PSAP: variants seen among roughly 807,000 people sequenced by gnomAD.
PSAP encodes the protein prosaposin, also known as precursor of saposins.
A neutral mutation model predicts 66.0 loss-of-function variants in PSAP; 25 were observed. The observed-to-expected ratio is 0.38, with a 90% CI of 0.28 to 0.53. The LOEUF (loss-of-function observed/expected upper bound fraction) is 0.53, where lower values mean the gene tolerates loss of function less well. Among genes scored for constraint, PSAP ranks in the 20% least tolerant of loss-of-function variants. PSAP has a pLI of 0.83. For missense variants in PSAP, 649 were observed against 668.8 expected (o/e 0.97, Z 0.33); for synonymous variants, 273 against 258.9 (o/e 1.05, Z -0.52).
intron 13 of PSAP, 101 bp from the exon 14 acceptor site, chr10:71,817,577 T>G: frequency 1.7e-6 from 2 of 1,146,250 alleles, no homozygotes; most frequent in Non-Finnish European, 2.6e-6. Context: ...CCTGTTCTCT[T>G]GTCCTAGGTC....
chr10:71,839,956 A>C (rs1178248943), intron 1 of PSAP, among the ~76,000 whole-genome samples: 4 of 152,234 alleles, frequency 2.6e-5, no homozygotes, highest in Non-Finnish European at 4.4e-5. Context: ...CCTCGCTTAC[A>C]GAAAGGTCTC....
chr10:71,845,529 C>A (rs115936978), intron 1 of PSAP, among the ~76,000 whole-genome samples: 3 of 152,166 alleles, frequency 2.0e-5, no homozygotes, highest in Non-Finnish European at 4.4e-5. Flanking sequence ...TGTACCTCTG[C>A]AAGCTTCTAA....
intron 6 of PSAP, among the ~76,000 whole-genome samples, chr10:71,827,475 C>T (rs1842418557): frequency 6.6e-6 from 1 of 151,498 alleles, no homozygotes; most frequent in African/African-American, 2.4e-5. Flanking sequence ...GCCTGTAATC[C>T]TAGCACTTTG....
intron 13 of PSAP, among the ~76,000 whole-genome samples, chr10:71,818,013 C>T (rs1402443713): frequency 2.6e-5 from 4 of 152,222 alleles, no homozygotes; most frequent in African/African-American, 9.6e-5. Context: ...ATGACACAAC[C>T]GCCACTGACA....
chr10:71,841,015 A>T (rs1842723994), intron 1 of PSAP, among the ~76,000 whole-genome samples: 1 of 152,266 alleles, frequency 6.6e-6, no homozygotes, highest in African/African-American at 2.4e-5. Context: ...TGATCAAAGA[A>T]GAACTTAGAT....
rs1169424419 is a variant in PSAP at position 71,831,902 on chromosome 10, T to G, written c.193A>C (p.Ile65Leu). 2 of 1,613,962 alleles carry G rather than the reference T, an allele frequency of 1.2e-6. No individual in the cohort carries two copies. Among genetic ancestry groups the G allele is most frequent in the Non-Finnish European group, 1.7e-6 (2 of 1,180,002 alleles). The change falls in exon 3 of 14, where the codon ATA becomes CTA. Residue 65 changes from isoleucine (I) to leucine (L), a missense_variant. By Grantham distance (5) the Ile-to-Leu change is conservative (BLOSUM62 2). Transcript: ENST00000394936. ...KPTVKSLPCDICKDVVTAAGD... is the reference protein window; with the variant it reads ...KPTVKSLPCDLCKDVVTAAGD... ...GCTGCGGTGACAACGTCTTTGCATA[T>G]GTCGCAGGGAAGGGATTTCTAAGAG...
intron 1 of PSAP, among the ~76,000 whole-genome samples, chr10:71,838,207 T>A (rs1257541868): frequency 6.6e-6 from 1 of 151,624 alleles, no homozygotes; most frequent in East Asian, 1.9e-4. Flanking sequence ...TAACACAGAG[T>A]CCAAGAGAAC....
chr10:71,835,840 CAA>C (rs1564823311), intron 1 of PSAP, among the ~76,000 whole-genome samples: 1 of 38,000 alleles, frequency 2.6e-5, no homozygotes, highest in African/African-American at 5.2e-5. Flanking sequence ...AAAAAAAAAA[CAA>C]AACACAATCA....
chr10:71,829,935 T>G (rs1842477956), intron 4 of PSAP, among the ~76,000 whole-genome samples: 1 of 151,898 alleles, frequency 6.6e-6, no homozygotes, highest in Non-Finnish European at 1.5e-5. Flanking sequence ...AAGGCAGAGG[T>G]GCTGTCAGTC....
chr10:71,828,888 G>A lies in PSAP; in HGVS notation c.565C>T (p.Pro189Ser), dbSNP rs188854022. ...LYPQDGPRSK[P>S]QPKDNGDVCQ... ...GCCCGTTGTCTTACCTTTGGCTGGG[G>A]CTTGCTGCGGGGGCCGTCCTGAGGG... Residue 189 changes from proline (P) to serine (S), a missense_variant, in exon 5 of 14, where the codon CCC becomes TCC. Pro to Ser is a moderately conservative substitution (Grantham distance 74, BLOSUM62 -1). Transcript: ENST00000394936. The A allele has an allele frequency of 6.6e-5, 107 of 1,614,040 alleles. No homozygotes were observed. The East Asian group carries it at 2.0e-3, about 30-fold the overall frequency.
At chr10:71,825,631 A>G in intron 7 of PSAP, 1 of 684,114 alleles carries the variant, frequency 1.5e-6, no homozygotes, top group South Asian at 1.5e-5. Flanking sequence ...TCCTGGGATC[A>G]AGATGCTTCA....
intron 1 of PSAP, among the ~76,000 whole-genome samples, chr10:71,850,173 A>G (rs966908121): frequency 2.6e-5 from 4 of 152,162 alleles, no homozygotes; most frequent in African/African-American, 9.7e-5. Flanking sequence ...CCTTTCCCCT[A>G]TGTTTTCCTT....
At chr10:71,851,058 G>C (rs1379425475) in intron 1 of PSAP, 124 bp downstream of exon 1, 10 of 1,174,388 alleles carry the variant, frequency 8.5e-6, no homozygotes, top group Admixed American at 2.0e-5. Flanking sequence ...CGCCTGCGCA[G>C]TGCGCGCGCC....
At chr10:71,841,456 A>G (rs1842731810) in intron 1 of PSAP, among the ~76,000 whole-genome samples, 1 of 152,224 alleles carries the variant, frequency 6.6e-6, no homozygotes, top group Non-Finnish European at 1.5e-5. Context: ...TTCACTTGAA[A>G]TCTAAAATGT....
intron 1 of PSAP, among the ~76,000 whole-genome samples, chr10:71,837,445 T>A (rs1241995502): frequency 6.6e-6 from 1 of 152,164 alleles, no homozygotes; most frequent in African/African-American, 2.4e-5. Flanking sequence ...CCCAGAAACT[T>A]TATTACACAC....
At position 71,835,949 on chromosome 10, in the gene PSAP, G is replaced by A. The variant is rs144986021; in HGVS notation, c.41-1444C>T. Among the ~76,000 whole-genome samples the A allele has an allele frequency of 1.1e-3, 165 of 152,050 alleles. 1 individual carries two copies. Among genetic ancestry groups the A allele is most frequent in the African/African-American group, 3.2e-3 (131 of 41,458 alleles). Reference sequence around the variant, plus strand: ...CGTGTGTAACACACATAGGAAACACGTGTTGTATAGGTCAGTACGTGTTCT... The same window carrying A: ...CGTGTGTAACACACATAGGAAACACATGTTGTATAGGTCAGTACGTGTTCT... On this transcript the variant is annotated intron_variant, in intron 1 of 13. Transcript: ENST00000394936.
intron 2 of PSAP, among the ~76,000 whole-genome samples, chr10:71,834,107 C>A (rs941819907): frequency 5.3e-5 from 8 of 152,176 alleles, no homozygotes; most frequent in Admixed American, 4.6e-4. Flanking sequence ...CCTGGAGCCG[C>A]AGGCATGGGG....
At chr10:71,849,941 G>A (rs1174432832) in intron 1 of PSAP, among the ~76,000 whole-genome samples, 1 of 151,940 alleles carries the variant, frequency 6.6e-6, no homozygotes, top group East Asian at 1.9e-4. Context: ...CCTATCTAAG[G>A]GGTGTAGGAA....
At chr10:71,831,768 C>A in intron 3 of PSAP, 78 bp downstream of exon 3, 2 of 1,402,390 alleles carry the variant, frequency 1.4e-6, no homozygotes, top group Admixed American at 3.3e-5. Flanking sequence ...CCTCTTTAGA[C>A]ACCCGGAATC....
Sources: gnomAD v4.1 joint callset for allele counts (sites outside exome capture counted in the v4.1 genomes callset) on GRCh38, gnomAD v4.1.1 for gene constraint, MANE v1.5 for transcripts, NCBI Gene and HGNC (gene_info 2026-07-23, HGNC 2026-07-21) for gene names.